SUGCT: variants seen among roughly 807,000 people sequenced by gnomAD.
SUGCT encodes the protein succinyl-CoA:glutarate-CoA transferase.
A neutral mutation model predicts 55.0 loss-of-function variants in SUGCT; 41 were observed. The observed-to-expected ratio is 0.74, with a 90% confidence interval of 0.58 to 0.97. The LOEUF (loss-of-function observed/expected upper bound fraction) is 0.97, where lower values mean the gene tolerates loss of function less well. SUGCT is among the 50% of genes least tolerant of loss of function. The pLI is 0.00. For missense variants in SUGCT, 568 were observed against 547.8 expected (o/e 1.04, Z -0.37); for synonymous variants, 187 against 200.4 (o/e 0.93, Z 0.56).
At chr7:40,800,743 A>G (rs1790776451) in intron 13 of SUGCT, among the ~76,000 whole-genome samples, 3 of 152,144 alleles carry the variant, frequency 2.0e-5, no homozygotes. Context: ...AGGGTTCTAT[A>G]TTGTGTACAG....
At chr7:40,878,624 G>A in the SUGCT span, among the ~76,000 whole-genome samples, 1 of 152,086 alleles carries the variant, frequency 6.6e-6, no homozygotes, top group African/African-American at 2.4e-5. Context: ...TCACTTGGAA[G>A]GCAAATACTT....
intron 9 of SUGCT, among the ~76,000 whole-genome samples, chr7:40,390,247 C>A (rs2151299638): frequency 6.6e-6 from 1 of 152,292 alleles, no homozygotes; most frequent in Non-Finnish European, 1.5e-5. Flanking sequence ...CCGTCTCTCA[C>A]CACTCCTATT....
the SUGCT span, among the ~76,000 whole-genome samples, chr7:41,031,659 C>A: frequency 2.0e-4 from 30 of 152,240 alleles, no homozygotes; most frequent in East Asian, 4.6e-3. Context: ...TCTGAACTTT[C>A]AAAATTTCCA....
chr7:40,571,910 A>G (rs1269464287), intron 12 of SUGCT, among the ~76,000 whole-genome samples: 1 of 152,206 alleles, frequency 6.6e-6, no homozygotes, highest in Non-Finnish European at 1.5e-5. Context: ...ACAGTGGTCA[A>G]CCTCAGCAAA....
chr7:40,310,515 C>T (rs1239373976), intron 8 of SUGCT, among the ~76,000 whole-genome samples: 1 of 152,168 alleles, frequency 6.6e-6, no homozygotes, highest in Non-Finnish European at 1.5e-5. Flanking sequence ...AATGTGTCAA[C>T]ATTGGCTCTG....
At chr7:40,920,353 A>G in the SUGCT span, among the ~76,000 whole-genome samples, 1 of 152,320 alleles carries the variant, frequency 6.6e-6, no homozygotes. Flanking sequence ...ACAAATGACA[A>G]TTATGAGTGA....
the SUGCT span, among the ~76,000 whole-genome samples, chr7:40,994,295 G>C: frequency 6.6e-6 from 1 of 152,118 alleles, no homozygotes; most frequent in African/African-American, 2.4e-5. Flanking sequence ...ATGGAGTTCA[G>C]TTTCTTCCAT....
chr7:40,364,414 G>C (rs1783814805), intron 9 of SUGCT, among the ~76,000 whole-genome samples: 1 of 152,052 alleles, frequency 6.6e-6, no homozygotes, highest in South Asian at 2.1e-4. Flanking sequence ...TAGTCTCAAT[G>C]GTCTTTACAT....
intron 12 of SUGCT, among the ~76,000 whole-genome samples, chr7:40,627,337 A>G (rs1166589335): frequency 1.3e-5 from 2 of 152,216 alleles, no homozygotes; most frequent in East Asian, 3.9e-4. Flanking sequence ...TACCTGCTAG[A>G]GCTTTCCTAT....
chr7:40,713,276 T>C (rs962484931), intron 12 of SUGCT, among the ~76,000 whole-genome samples: 8 of 152,204 alleles, frequency 5.3e-5, no homozygotes, highest in Non-Finnish European at 1.2e-4. Flanking sequence ...AGTTTTGTTC[T>C]TCTTCCACTC....
chr7:40,932,877 T>C, the SUGCT span, among the ~76,000 whole-genome samples: 1 of 152,046 alleles, frequency 6.6e-6, no homozygotes, highest in Non-Finnish European at 1.5e-5. Context: ...GGGTTTTGAC[T>C]CTTTATCAAA....
At chr7:40,610,166 AG>A (rs1180754709) in intron 12 of SUGCT, among the ~76,000 whole-genome samples, 1 of 152,228 alleles carries the variant, frequency 6.6e-6, no homozygotes. Flanking sequence ...GGGAAAGGGC[AG>A]CAGCCATTGC....
intron 1 of SUGCT, among the ~76,000 whole-genome samples, chr7:40,179,400 TCTC>T (rs1368186636): frequency 1.3e-5 from 2 of 152,054 alleles, no homozygotes; most frequent in African/African-American, 4.8e-5. Context: ...TTCAAGCGAT[TCTC>T]CTGCCTCAGC....
At chr7:40,227,221 G>T (rs934381591) in intron 6 of SUGCT, among the ~76,000 whole-genome samples, 1 of 151,422 alleles carries the variant, frequency 6.6e-6, no homozygotes, top group Non-Finnish European at 1.5e-5. Context: ...TAATTTTTTT[G>T]TATTTTCAGT....
intron 8 of SUGCT, among the ~76,000 whole-genome samples, chr7:40,305,080 T>A (rs1010965239): frequency 6.6e-6 from 1 of 152,210 alleles, no homozygotes; most frequent in African/African-American, 2.4e-5. Flanking sequence ...TTCTTCACCC[T>A]GAATACGGGG....
chr7:40,996,324 G>T, the SUGCT span, among the ~76,000 whole-genome samples: 80 of 152,266 alleles, frequency 5.3e-4, no homozygotes, highest in African/African-American at 1.8e-3. Context: ...CCGCCAGTCT[G>T]CACGTGAAAT....
At chr7:40,246,964 T>C (rs1309458492) in intron 7 of SUGCT, among the ~76,000 whole-genome samples, 1 of 152,214 alleles carries the variant, frequency 6.6e-6, no homozygotes, top group Non-Finnish European at 1.5e-5. Context: ...ACTGTGTATA[T>C]TGTATTACAT....
intron 12 of SUGCT, among the ~76,000 whole-genome samples, chr7:40,615,778 G>A (rs1798976324): frequency 1.3e-5 from 2 of 152,208 alleles, no homozygotes; most frequent in Admixed American, 6.5e-5. Context: ...ATAAGCCCAA[G>A]TATAAGCTTT....
At chr7:40,279,182 GT>G (rs1562640710) in intron 8 of SUGCT, among the ~76,000 whole-genome samples, 1 of 151,948 alleles carries the variant, frequency 6.6e-6, no homozygotes, top group African/African-American at 2.4e-5. Context: ...ATTCCAAAAA[GT>G]TTCAGAATCT....
Sources: allele counts gnomAD v4.1 joint callset (sites outside exome capture counted in the v4.1 genomes callset), GRCh38; gene constraint gnomAD v4.1.1; transcripts MANE v1.5; gene names NCBI Gene and HGNC (gene_info 2026-07-23, HGNC 2026-07-21).